STK32B: variants seen among roughly 807,000 people sequenced by gnomAD.
STK32B encodes the protein serine/threonine-protein kinase 32B.
A neutral mutation model predicts 52.6 loss-of-function variants in STK32B; 43 were observed. The ratio of observed to expected loss-of-function variants is 0.82; its 90% confidence interval spans 0.64 to 1.05. STK32B has a LOEUF of 1.05. STK32B is among the 50% of genes least tolerant of loss of function. The pLI is 0.00. For synonymous variants in STK32B, 238 were observed against 204.3 expected, an observed-to-expected ratio of 1.17 and a Z score of -1.41; for missense variants, 621 against 534.6, an observed-to-expected ratio of 1.16 and a Z score of -1.59.
intron 4 of STK32B, among the ~76,000 whole-genome samples, chr4:5,371,827 CAG>C (rs1327478460): frequency 3.3e-5 from 5 of 152,240 alleles, no homozygotes; most frequent in African/African-American, 9.6e-5. Flanking sequence ...AGCCCCAGGA[CAG>C]AGTTTGCTGA....
At chr4:5,187,660 T>A (rs1008495154) in intron 3 of STK32B, among the ~76,000 whole-genome samples, 2 of 152,110 alleles carry the variant, frequency 1.3e-5, no homozygotes, top group Non-Finnish European at 2.9e-5. Flanking sequence ...ATTTCCATGG[T>A]GTAAATAGTT....
intron 1 of STK32B, among the ~76,000 whole-genome samples, chr4:5,111,707 G>A (rs368828127): frequency 2.0e-5 from 3 of 152,096 alleles, no homozygotes; most frequent in African/African-American, 4.8e-5. Flanking sequence ...GTCATTATGC[G>A]TCTGATACCC....
intron 3 of STK32B, among the ~76,000 whole-genome samples, chr4:5,278,250 G>A (rs1330491358): frequency 6.6e-6 from 1 of 152,172 alleles, no homozygotes; most frequent in Non-Finnish European, 1.5e-5. Context: ...AGCTTGAAAG[G>A]AAAACTCTTC....
At chr4:5,490,794 A>T (rs902308637) in intron 11 of STK32B, among the ~76,000 whole-genome samples, 28 of 152,072 alleles carry the variant, frequency 1.8e-4, no homozygotes, top group African/African-American at 6.8e-4. Flanking sequence ...TCATTGTTCA[A>T]TTCCCAACTA....
At position 5,416,860 on chromosome 4, in the gene STK32B, C is replaced by T. The variant is rs755159915; in HGVS notation, c.488C>T (p.Thr163Ile). The change falls in exon 6 of 12, where the codon ACA (threonine) becomes ATA (isoleucine). Residue 163 changes from threonine (T) to isoleucine (I), a missense_variant. Thr to Ile is a moderately conservative substitution (Grantham distance 89). Transcript: ENST00000282908. ...LLDEHGHVHI[T>I]DFNIATVVKG... ...GTATTTGCAGGACATGTTCACATTACAGACTTCAACATAGCGACGGTAGTG... is the reference window on the plus strand; with the variant it reads ...GTATTTGCAGGACATGTTCACATTATAGACTTCAACATAGCGACGGTAGTG... 4 of 1,613,866 alleles carry T rather than the reference C, an allele frequency of 2.5e-6. No individual in the cohort carries two copies. The highest frequency in any genetic ancestry group is 3.4e-6 in the Non-Finnish European group (4 of 1,179,888).
chr4:5,321,072 G>A (rs1298165451), intron 3 of STK32B, among the ~76,000 whole-genome samples: 5 of 152,142 alleles, frequency 3.3e-5, no homozygotes, highest in African/African-American at 9.7e-5. Flanking sequence ...TGAAGATGTG[G>A]TTGGCAAAAG....
chr4:5,159,560 T>C (rs1322764843), intron 2 of STK32B, among the ~76,000 whole-genome samples: 1 of 66,330 alleles, frequency 1.5e-5, no homozygotes, highest in Non-Finnish European at 2.5e-5. Flanking sequence ...TGAATATATA[T>C]GAATGAATAT....
Position 5,499,778 on chromosome 4 carries a change from CCAT to C in STK32B, c.*696_*698del, listed in dbSNP as rs1408723679. 1 of 152,410 alleles carries C rather than the reference CCAT, an allele frequency of 6.6e-6. No homozygotes were observed. The highest frequency in any genetic ancestry group is 2.4e-5 in the African/African-American group (1 of 41,466). The allele number at this position is 152,410 out of a possible 1,614,324, so 9.4% of individuals were successfully genotyped here. On this transcript the variant is annotated 3_prime_UTR_variant, in exon 12 of 12. Coordinates refer to ENST00000282908, the MANE Select transcript of STK32B (RefSeq NM_018401.3). ...TTAGTTTCAGCAGTCCTCACCACCACCATATCCCCAGTGCTGGGATGGCACACA... is the reference window on the plus strand; with the variant it reads ...TTAGTTTCAGCAGTCCTCACCACCACATCCCCAGTGCTGGGATGGCACACA...
At chr4:5,054,852 A>G (rs1047542107) in intron 1 of STK32B, among the ~76,000 whole-genome samples, 1 of 152,224 alleles carries the variant, frequency 6.6e-6, no homozygotes, top group Non-Finnish European at 1.5e-5. Flanking sequence ...CGTCATCCAC[A>G]TTCCTAAGGC....
chr4:5,487,054 C>G lies in STK32B; in HGVS notation c.1107-11891C>G, dbSNP rs189229234. Among the ~76,000 whole-genome samples the G allele has an allele frequency of 3.1e-3, 472 of 152,302 alleles. 7 individuals are homozygous for G. Among genetic ancestry groups the G allele is most frequent in the African/African-American group, 0.011 (448 of 41,570 alleles). On this transcript the variant is annotated intron_variant, in intron 11 of 11. Coordinates refer to ENST00000282908, the MANE Select transcript of STK32B (RefSeq NM_018401.3). Reference sequence around the variant, plus strand: ...TTCATATGATCAGTTTTTACAAGTTCCCTTTTTGGTCAAGCTGTTTCTCTG... The same window carrying G: ...TTCATATGATCAGTTTTTACAAGTTGCCTTTTTGGTCAAGCTGTTTCTCTG...
intron 1 of STK32B, among the ~76,000 whole-genome samples, chr4:5,089,097 T>A (rs1037147904): frequency 6.6e-6 from 1 of 152,032 alleles, no homozygotes; most frequent in African/African-American, 2.4e-5. Flanking sequence ...AAATTAGGAA[T>A]AAAAGTGGGG....
chr4:5,318,552 C>G (rs1328340159), intron 3 of STK32B, among the ~76,000 whole-genome samples: 1 of 152,014 alleles, frequency 6.6e-6, no homozygotes, highest in Non-Finnish European at 1.5e-5. Flanking sequence ...TTAAGGGATC[C>G]TGAATTTATT....
At chr4:5,072,893 A>G (rs935857179) in intron 1 of STK32B, among the ~76,000 whole-genome samples, 3 of 146,126 alleles carry the variant, frequency 2.1e-5, no homozygotes, top group Non-Finnish European at 4.4e-5. Context: ...TTATGTTAAT[A>G]ATTATATGCA....
At chr4:5,179,215 A>C (rs982327041) in intron 3 of STK32B, among the ~76,000 whole-genome samples, 4 of 152,184 alleles carry the variant, frequency 2.6e-5, no homozygotes, top group Non-Finnish European at 5.9e-5. Flanking sequence ...ATGCTTATAA[A>C]ACCATCAGGT....
chr4:5,317,469 T>C (rs527433568), intron 3 of STK32B, among the ~76,000 whole-genome samples: 15 of 50,176 alleles, frequency 3.0e-4, no homozygotes, highest in Admixed American at 2.9e-3. Context: ...TATATATGTA[T>C]AATATATATA....
intron 3 of STK32B, among the ~76,000 whole-genome samples, chr4:5,205,198 C>G (rs1396003176): frequency 6.6e-6 from 1 of 151,364 alleles, no homozygotes; most frequent in East Asian, 1.9e-4. Context: ...TCCTGGTCCT[C>G]AGGCCTTTGG....
At chr4:5,337,220 C>A (rs1290133901) in intron 4 of STK32B, among the ~76,000 whole-genome samples, 1 of 151,666 alleles carries the variant, frequency 6.6e-6, no homozygotes, top group African/African-American at 2.4e-5. Flanking sequence ...TACTCCTGAG[C>A]TCAAGCAGTC....
chr4:5,265,268 G>A (rs180934554), intron 3 of STK32B, among the ~76,000 whole-genome samples: 22 of 152,248 alleles, frequency 1.4e-4, no homozygotes, highest in Admixed American at 9.2e-4. Context: ...AGAACGCGTG[G>A]GTGTTTCTAC....
rs1737201669 is a variant in STK32B, at chr4:5,400,215, A to C, written c.472+1971A>C. Among the ~76,000 whole-genome samples, 1 of 152,174 alleles carries C rather than the reference A, an allele frequency of 6.6e-6. No individual in the cohort carries two copies. Among genetic ancestry groups the C allele is most frequent in the Non-Finnish European group, 1.5e-5 (1 of 68,040 alleles). On this transcript the variant is annotated intron_variant, in intron 5 of 11. Coordinates refer to ENST00000282908, the MANE Select transcript of STK32B (RefSeq NM_018401.3). The surrounding 1 kb of genome is among the most constrained non-coding windows in gnomAD (Gnocchi z 6.1). The stretch of plus-strand genomic sequence containing the variant: ...CAGCTCCCCTGAAGCTGCTGCACAA[A>C]AGATATAGGCAGGCGGGCTGCTCCC...
Sources: gnomAD v4.1 joint callset for allele counts (sites outside exome capture counted in the v4.1 genomes callset) on GRCh38, gnomAD v4.1.1 for gene constraint, Gnocchi (gnomAD v3.1) non-coding constraint, MANE v1.5 for transcripts, NCBI Gene and HGNC (gene_info 2026-07-23, HGNC 2026-07-21) for gene names.